Variants in LRAT observed in about 807,000 individuals in gnomAD.
The protein encoded by LRAT is lecithin retinol acyltransferase (phosphatidylcholine--retinol O-acyltransferase).
A neutral mutation model predicts 14.2 loss-of-function variants in LRAT; 11 were observed. The ratio of observed to expected loss-of-function variants is 0.78; its 90% CI spans 0.49 to 1.29. LRAT has a LOEUF of 1.29. LRAT is among the 50% of genes most tolerant of loss of function. LRAT has a pLI of 0.00. For synonymous variants in LRAT, 144 were observed against 124.8 expected, an observed-to-expected ratio of 1.15 and a Z score of -1.03; for missense variants, 274 against 292.4, an observed-to-expected ratio of 0.94 and a Z score of 0.46.
Position 154,752,951 on chromosome 4 carries a change from G to C in LRAT, c.*3815G>C, listed in dbSNP as rs933737467. On this transcript the variant is annotated 3_prime_UTR_variant, in exon 3 of 3. Transcript: ENST00000336356. ...CAAAAATGTTTTCCAGCAATATCAA[G>C]TTATGGCAATGGCAAAAGTCCTTGT... 1 of 152,066 alleles carries C rather than the reference G, an allele frequency of 6.6e-6. No individual in the cohort carries two copies. Among genetic ancestry groups the C allele is most frequent in the East Asian group, 1.9e-4 (1 of 5,194 alleles). The allele number at this position is 152,066 out of a possible 1,614,324, so 9.4% of individuals were successfully genotyped here. A position where few individuals can be genotyped will look rare whatever the true frequency, so the allele number is the denominator to read the frequency against.
At chr4:154,746,689 G>A (rs747825246) in intron 2 of LRAT, among the ~76,000 whole-genome samples, 2 of 152,114 alleles carry the variant, frequency 1.3e-5, no homozygotes, top group Non-Finnish European at 2.9e-5. Flanking sequence ...CACATATAGC[G>A]CTGCATTATA....
Position 154,744,400 on chromosome 4 carries a change from T to A in LRAT, c.74T>A (p.Phe25Tyr), listed in dbSNP as rs75368761. The change falls in exon 2 of 3, where the codon TTT becomes TAT. Residue 25 changes from phenylalanine (F) to tyrosine (Y), a missense_variant. Physicochemically the swap from Phe to Tyr is conservative, Grantham distance 22. Transcript: ENST00000336356. ...CTCCTCATCTCCAACTTCACGCTCTTTAGTTCGGGCGCCGCGGGCGAAGAC... is the reference window on the plus strand; with the variant it reads ...CTCCTCATCTCCAACTTCACGCTCTATAGTTCGGGCGCCGCGGGCGAAGAC... Reference protein sequence around the residue: ...KLLLISNFTLFSSGAAGEDKG... With the variant: ...KLLLISNFTLYSSGAAGEDKG... 2,005 of 1,614,094 alleles carry A rather than the reference T, an allele frequency of 1.2e-3. 29 individuals are homozygous for A. In the African/African-American group the frequency reaches 0.025, roughly 20 times the overall value.
chr4:154,742,470 A>G (rs1732785846), upstream of LRAT, among the ~76,000 whole-genome samples: 1 of 152,056 alleles, frequency 6.6e-6, no homozygotes, highest in African/African-American at 2.4e-5. Flanking sequence ...CCTGGTCTCT[A>G]TGGCCCCCTT....
rs1553973380 is a variant in LRAT, at chr4:154,751,761, A to AAAAAAAAAAAAAAAAAAAAAAAAAAAAAG, written c.*2628_*2629insAAAAAAAAAAAAAAAAAAAAAAAAAGAAA. ...AAAAAAAAAAAAAAAAAAAAAAAAAAAAAGAAGAAGAAACCCTGAGCCATT... is the reference window on the plus strand; with the variant it reads ...AAAAAAAAAAAAAAAAAAAAAAAAAAAAAAAAAAAAAAAAAAAAAAAAAAAAAAGAAAGAAGAAGAAACCCTGAGCCATT... On this transcript the variant is annotated 3_prime_UTR_variant, in exon 3 of 3. Coordinates refer to ENST00000336356, the MANE Select transcript of LRAT (RefSeq NM_004744.5). 1.8e-5 allele frequency: 2 copies of AAAAAAAAAAAAAAAAAAAAAAAAAAAAAG among 109,696 alleles called. No homozygotes were observed. Among genetic ancestry groups the AAAAAAAAAAAAAAAAAAAAAAAAAAAAAG allele is most frequent in the Non-Finnish European group, 3.8e-5 (2 of 52,954 alleles). The allele number at this position is 109,696 out of a possible 1,614,324, so 6.8% of individuals were successfully genotyped here.
At chr4:154,743,993 C>T (rs1010876839), upstream of LRAT, 6 of 314,596 alleles carry the variant, frequency 1.9e-5, no homozygotes, top group African/African-American at 8.6e-5. Flanking sequence ...GCGAAGCCTG[C>T]ACCTCCGAGC....
intron 2 of LRAT, among the ~76,000 whole-genome samples, chr4:154,748,732 T>C (rs1162335090): frequency 1.3e-5 from 2 of 152,160 alleles, no homozygotes; most frequent in Non-Finnish European, 2.9e-5. Flanking sequence ...ATACTTTCTA[T>C]AGTTTTCTAT....
chr4:154,748,306 C>T, intron 2 of LRAT: 2 of 978,266 alleles, frequency 2.0e-6, no homozygotes, highest in Non-Finnish European at 2.4e-6. Context: ...GGAGCCAGGA[C>T]TCAGACATAG....
rs1459336863 is a variant in LRAT, at chr4:154,752,989, G to A, written c.*3853G>A. ...CAAAAGTCCTTGTTGTAGATGAGAAGCATATAAGAAATGGTTGCCAATCTT... is the reference window on the plus strand; with the variant it reads ...CAAAAGTCCTTGTTGTAGATGAGAAACATATAAGAAATGGTTGCCAATCTT... On this transcript the variant is annotated 3_prime_UTR_variant, in exon 3 of 3. Transcript: ENST00000336356. The A allele has an allele frequency of 6.6e-6, 1 of 152,140 alleles. No individual in the cohort carries two copies. The highest frequency in any genetic ancestry group is 1.9e-4 in the East Asian group (1 of 5,198). 9.4% of individuals were successfully genotyped at this position (152,140 alleles called of 1,614,324 possible).
At chr4:154,748,942 GTTT>G (rs1343012993) in intron 2 of LRAT, 39 bp from the exon 3 acceptor site, 1 of 1,595,876 alleles carries the variant, frequency 6.3e-7, no homozygotes, top group Non-Finnish European at 8.6e-7. Context: ...TTCTTCTTGG[GTTT>G]AGCCACCTTT....
Position 154,744,437 on chromosome 4 carries a change from C to A in LRAT, c.111C>A (p.Asn37Lys). Residue 37 changes from asparagine (N) to lysine (K), a missense_variant, in exon 2 of 3, where the codon AAC becomes AAA. Coordinates refer to ENST00000336356, the MANE Select transcript of LRAT (RefSeq NM_004744.5). ...CCGCGGGCGAAGACAAAGGGAGGAA[C>A]AGTTTTTATGAAACCAGCTCTTTCC... is the stretch of plus-strand genomic sequence containing the variant. ...SGAAGEDKGR[N>K]SFYETSSFHR... 8 of 1,614,112 alleles carry A rather than the reference C, an allele frequency of 5.0e-6. No individual in the cohort carries two copies. Among genetic ancestry groups the A allele is most frequent in the Non-Finnish European group, 6.8e-6 (8 of 1,180,026 alleles).
In LRAT at chr4:154,749,509, C is replaced by T. The variant is rs1002884862; in HGVS notation, c.*373C>T. 1.8e-5 allele frequency: 3 copies of T among 164,424 alleles called. No homozygotes were observed. The highest frequency in any genetic ancestry group is 7.2e-5 in the African/African-American group (3 of 41,800). 10.2% of individuals were successfully genotyped at this position (164,424 alleles called of 1,614,324 possible). ...AAGATTGGAAGACTTATATTGAGAC[C>T]AGTAACTTTACTGTAAATTTACTTT... is the stretch of plus-strand genomic sequence containing the variant. On this transcript the variant is annotated 3_prime_UTR_variant, in exon 3 of 3. Transcript: ENST00000336356.
rs768550356 is a variant in LRAT at position 154,752,299 on chromosome 4, C to T, written c.*3163C>T. 1.2e-4 allele frequency: 18 copies of T among 152,208 alleles called. No homozygotes were observed. Among genetic ancestry groups the T allele is most frequent in the Non-Finnish European group, 1.9e-4 (13 of 68,044 alleles). The allele number at this position is 152,208 out of a possible 1,614,324, so 9.4% of individuals were successfully genotyped here. On this transcript the variant is annotated 3_prime_UTR_variant, in exon 3 of 3. Transcript: ENST00000336356. Reference sequence around the variant, plus strand: ...ACAAATGCATGAAAATTGCCTACAACATGCCTGGCACATAGCTGTGAGGTA... The same window carrying T: ...ACAAATGCATGAAAATTGCCTACAATATGCCTGGCACATAGCTGTGAGGTA...
chr4:154,749,171 T>C lies in LRAT; in HGVS notation c.*35T>C. On this transcript the variant is annotated 3_prime_UTR_variant, in exon 3 of 3. Transcript: ENST00000336356. ...CCCATGTCAGTGTGTGTATTCTGTA[T>C]GTAAATATGTTTATATTTATAGAGC... 6.3e-7 allele frequency: 1 copy of C among 1,590,870 alleles called. No homozygotes were observed. Among genetic ancestry groups the C allele is most frequent in the Admixed American group, 1.7e-5 (1 of 60,000 alleles).
In LRAT at chr4:154,751,196, A is replaced by C. The variant is rs950346983; in HGVS notation, c.*2060A>C. ...TTAAATCTGCTAGAAGGGTAAGAGA[A>C]ATCTGTATGCAGGAGGCAATGCTAG... On this transcript the variant is annotated 3_prime_UTR_variant, in exon 3 of 3. Transcript: ENST00000336356. The C allele has an allele frequency of 3.9e-5, 6 of 152,242 alleles. No individual in the cohort carries two copies. The highest frequency in any genetic ancestry group is 1.4e-4 in the African/African-American group (6 of 41,460). The allele number at this position is 152,242 out of a possible 1,614,324, so 9.4% of individuals were successfully genotyped here.
At chr4:154,745,779 G>A (rs1732875316) in intron 2 of LRAT, among the ~76,000 whole-genome samples, 1 of 152,096 alleles carries the variant, frequency 6.6e-6, no homozygotes, top group Non-Finnish European at 1.5e-5. Context: ...GGCCCCCCTG[G>A]TAGTTCCCTT....
chr4:154,745,282 A>G (rs1198817886), intron 2 of LRAT: 3 of 192,672 alleles, frequency 1.6e-5, no homozygotes, highest in African/African-American at 2.4e-5. Flanking sequence ...CAGCATCCCA[A>G]AGTGCTGGGA....
chr4:154,747,615 C>T (rs1368707409), intron 2 of LRAT, among the ~76,000 whole-genome samples: 11 of 152,056 alleles, frequency 7.2e-5, no homozygotes, highest in Admixed American at 6.5e-4. Context: ...GTGGGAAATA[C>T]AGTCGAAAAT....
chr4:154,744,978 C>CACTTCCAT (rs1430969713), intron 2 of LRAT, 112 bp downstream of exon 2: 2 of 848,042 alleles, frequency 2.4e-6, no homozygotes, highest in Non-Finnish European at 3.8e-6. Flanking sequence ...CCTCCCCTAC[C>CACTTCCAT]ACTTCCATAC....
chr4:154,746,588 C>T (rs1275641256), intron 2 of LRAT, among the ~76,000 whole-genome samples: 2 of 152,126 alleles, frequency 1.3e-5, no homozygotes, highest in South Asian at 2.1e-4. Context: ...CAAAAGGAAA[C>T]ATGTCAGATT....
Sources: gnomAD v4.1 joint callset for allele counts (sites outside exome capture counted in the v4.1 genomes callset) on GRCh38, gnomAD v4.1.1 for gene constraint, MANE v1.5 for transcripts, NCBI Gene and HGNC (gene_info 2026-07-23, HGNC 2026-07-21) for gene names.